Variants in DNM3 observed in about 807,000 individuals in gnomAD.
DNM3 encodes the protein dynamin-3.
Under a neutral mutation model 101.6 loss-of-function variants are expected in DNM3, and 47 were observed. The ratio of observed to expected loss-of-function variants is 0.46; its 90% confidence interval spans 0.37 to 0.59. The LOEUF (loss-of-function observed/expected upper bound fraction) is 0.59. Ranked by LOEUF, DNM3 falls within the 20% of genes least tolerant of loss-of-function variation. DNM3 has a pLI of 0.00. For missense variants in DNM3, 849 were observed against 1,085.7 expected (o/e 0.78, Z 3.06); for synonymous variants, 385 against 387.9 (o/e 0.99, Z 0.09).
chr1:171,937,278 G>GT lies in DNM3; in HGVS notation c.235+15468dup, dbSNP rs370590393. On this transcript the variant is annotated intron_variant, in intron 2 of 20. Coordinates refer to ENST00000627582, the MANE Select transcript of DNM3 (RefSeq NM_015569.5). ...TAATCTGCTTTTGCAAAGGATTTAT[G>GT]TTTTTTTTTTTCCATTGTAACAAAT... Among the ~76,000 whole-genome samples, 655 of 146,972 alleles carry GT rather than the reference G, an allele frequency of 4.5e-3. 5 individuals are homozygous for GT. Among genetic ancestry groups the GT allele is most frequent in the Middle Eastern group, 0.025 (7 of 284 alleles).
intron 2 of DNM3, among the ~76,000 whole-genome samples, chr1:171,977,096 G>A (rs567393524): frequency 4.2e-4 from 64 of 152,208 alleles, no homozygotes; most frequent in African/African-American, 1.4e-3. Flanking sequence ...CTCAGAATTA[G>A]TACATTCAAT....
chr1:171,905,254 C>T (rs903447248), intron 1 of DNM3, among the ~76,000 whole-genome samples: 2 of 152,182 alleles, frequency 1.3e-5, no homozygotes, highest in African/African-American at 4.8e-5. Flanking sequence ...CCTGAAATGT[C>T]GTCATCCTCA....
At chr1:172,034,279 T>A (rs868742567) in intron 6 of DNM3, among the ~76,000 whole-genome samples, 1 of 152,134 alleles carries the variant, frequency 6.6e-6, no homozygotes, top group Admixed American at 6.6e-5. Context: ...ATCACTATGA[T>A]TGTATCATTT....
chr1:172,213,596 C>T (rs903442730), intron 14 of DNM3, among the ~76,000 whole-genome samples: 1 of 148,792 alleles, frequency 6.7e-6, no homozygotes, highest in Non-Finnish European at 1.5e-5. Flanking sequence ...TTCAGGAGGC[C>T]AAGGCAGGTA....
chr1:172,055,303 G>C (rs1260710790), intron 10 of DNM3, among the ~76,000 whole-genome samples: 5 of 152,058 alleles, frequency 3.3e-5, no homozygotes, highest in African/African-American at 1.2e-4. Flanking sequence ...TCTGCCCCAA[G>C]ATATCTGCAT....
chr1:172,101,091 C>G (rs888659553), intron 13 of DNM3, among the ~76,000 whole-genome samples: 2 of 152,158 alleles, frequency 1.3e-5, no homozygotes, highest in African/African-American at 4.8e-5. Flanking sequence ...GCCTCTCCCC[C>G]TGAAAGAGCT....
chr1:172,387,976 G>A (rs934073435), intron 19 of DNM3, among the ~76,000 whole-genome samples: 1 of 152,164 alleles, frequency 6.6e-6, no homozygotes, highest in Non-Finnish European at 1.5e-5. Flanking sequence ...GCTCACGCCT[G>A]TATTCCCAGC....
chr1:172,346,262 A>G (rs1374153184), intron 17 of DNM3, among the ~76,000 whole-genome samples: 1 of 152,214 alleles, frequency 6.6e-6, no homozygotes, highest in African/African-American at 2.4e-5. Context: ...TCCCAGACAG[A>G]GTAACAGTAT....
At chr1:171,969,109 T>C (rs1189617363) in intron 2 of DNM3, among the ~76,000 whole-genome samples, 1 of 152,168 alleles carries the variant, frequency 6.6e-6, no homozygotes, top group African/African-American at 2.4e-5. Flanking sequence ...GTTTTCCAAA[T>C]GTGGGGAGAG....
At chr1:171,845,065 G>A (rs1236523776) in intron 1 of DNM3, among the ~76,000 whole-genome samples, 1 of 152,064 alleles carries the variant, frequency 6.6e-6, no homozygotes, top group Non-Finnish European at 1.5e-5. Context: ...GAGAGTTTGA[G>A]TAACTCACTC....
intron 1 of DNM3, 149 bp from the exon 2 acceptor site, chr1:171,921,598 CT>C (rs752091897): frequency 3.2e-6 from 2 of 625,698 alleles, no homozygotes; most frequent in Non-Finnish European, 5.6e-6. Context: ...TTTGAAAATG[CT>C]TCTTTTATTA....
At chr1:172,204,625 C>T (rs1289121170) in intron 14 of DNM3, among the ~76,000 whole-genome samples, 1 of 152,078 alleles carries the variant, frequency 6.6e-6, no homozygotes, top group East Asian at 1.9e-4. Flanking sequence ...CACGTTTCTC[C>T]CAAACTACAC....
intron 15 of DNM3, among the ~76,000 whole-genome samples, chr1:172,257,206 CTGTTAT>C: frequency 6.6e-6 from 1 of 152,152 alleles, no homozygotes; most frequent in Non-Finnish European, 1.5e-5. Flanking sequence ...TATTAGGCAG[CTGTTAT>C]GTGCCAGATA....
chr1:171,905,965 G>A (rs11579330), intron 1 of DNM3, among the ~76,000 whole-genome samples: 19,728 of 152,062 alleles, frequency 0.13, 1,766 homozygotes, highest in East Asian at 0.48. Context: ...GTATGTGAAG[G>A]ATGGATGTAC....
chr1:172,086,512 G>A (rs1057331293), intron 12 of DNM3, among the ~76,000 whole-genome samples: 8 of 152,196 alleles, frequency 5.3e-5, no homozygotes, highest in African/African-American at 1.2e-4. Context: ...GCCACTAGCT[G>A]TATGTGGCTA....
At chr1:172,096,654 T>C (rs1558562937) in intron 13 of DNM3, among the ~76,000 whole-genome samples, 1 of 152,170 alleles carries the variant, frequency 6.6e-6, no homozygotes, top group Non-Finnish European at 1.5e-5. Context: ...TCCAGAGTCA[T>C]GAAAGTTAGC....
At chr1:171,973,335 A>G (rs1200874874) in intron 2 of DNM3, among the ~76,000 whole-genome samples, 3 of 152,150 alleles carry the variant, frequency 2.0e-5, no homozygotes, top group Non-Finnish European at 1.5e-5. Flanking sequence ...ACCTCAGGCA[A>G]TTTGTTTAAC....
At chr1:172,250,805 A>G (rs918060322) in intron 14 of DNM3, among the ~76,000 whole-genome samples, 5 of 152,104 alleles carry the variant, frequency 3.3e-5, no homozygotes, top group African/African-American at 1.2e-4. Context: ...AACTGTTTGG[A>G]TGGATGAGAG....
chr1:172,342,462 A>G (rs964553142), intron 17 of DNM3, among the ~76,000 whole-genome samples: 8 of 152,200 alleles, frequency 5.3e-5, no homozygotes, highest in Non-Finnish European at 1.5e-5. Flanking sequence ...TTGCAGCAAC[A>G]TGGATGAAGC....
Sources: gnomAD v4.1 joint callset for allele counts (sites outside exome capture counted in the v4.1 genomes callset) on GRCh38, gnomAD v4.1.1 for gene constraint, MANE v1.5 for transcripts, NCBI Gene and HGNC (gene_info 2026-07-23, HGNC 2026-07-21) for gene names.